Variants in CSMD3 observed in about 807,000 individuals in gnomAD.
CSMD3 encodes the protein CUB and Sushi multiple domains 3, also known as CUB and sushi domain-containing protein 3.
A neutral mutation model predicts 435.2 loss-of-function variants in CSMD3; 177 were observed. The ratio of observed to expected loss-of-function variants is 0.41; its 90% CI spans 0.36 to 0.46. The LOEUF (loss-of-function observed/expected upper bound fraction) is 0.46. CSMD3 is among the 20% of genes least tolerant of loss of function. The probability of loss-of-function intolerance (pLI) is 0.34; values close to 1 mark genes in which losing one functional copy is unlikely to be tolerated. For missense variants in CSMD3, 4,265 were observed against 4,504.6 expected, an observed-to-expected ratio of 0.95 and a Z score of 1.52; for synonymous variants, 1,656 against 1,520.5, an observed-to-expected ratio of 1.09 and a Z score of -2.07.
In CSMD3 at chr8:112,965,326, T is replaced by G. The variant is rs181500683; in HGVS notation, c.1342+10511A>C. On this transcript the variant is annotated intron_variant, in intron 7 of 70. Transcript: ENST00000297405. ...CATCTCTGATCTTTAAAGTTAAGCT[T>G]TCTCTTTTGATCAATTCAGTACATA... is the stretch of plus-strand genomic sequence containing the variant. Among the ~76,000 whole-genome samples the G allele has an allele frequency of 1.8e-3, 278 of 152,088 alleles. 7 individuals carry two copies. The highest frequency in any genetic ancestry group is 0.014 in the Admixed American group (212 of 15,226).
chr8:112,505,941 C>G (rs1390778249), intron 29 of CSMD3, among the ~76,000 whole-genome samples: 1 of 152,044 alleles, frequency 6.6e-6, no homozygotes, highest in Non-Finnish European at 1.5e-5. Context: ...AAGTTATCAA[C>G]TAGAATAATT....
chr8:112,595,056 C>G (rs1376266943), intron 22 of CSMD3, among the ~76,000 whole-genome samples: 1 of 151,806 alleles, frequency 6.6e-6, no homozygotes, highest in Non-Finnish European at 1.5e-5. Flanking sequence ...TTCAGATGAT[C>G]AAATTACTCT....
chr8:113,025,800 T>C (rs1309079452), intron 5 of CSMD3, among the ~76,000 whole-genome samples: 1 of 152,136 alleles, frequency 6.6e-6, no homozygotes, highest in Non-Finnish European at 1.5e-5. Flanking sequence ...CCACTCTGTA[T>C]AACTGCCTGT....
In CSMD3 at chr8:112,890,027, T is replaced by C. The variant is rs539200027; in HGVS notation, c.1634-30761A>G. Among the ~76,000 whole-genome samples the C allele has an allele frequency of 4.0e-5, 6 of 151,780 alleles. 1 individual carries two copies. The South Asian group carries it at 8.3e-4, about 21-fold the overall frequency. On this transcript the variant is annotated intron_variant, in intron 10 of 70. Transcript: ENST00000297405. ...TTATGTGTAATATATGTGAAATGAA[T>C]ATAGTTTTAAGAAAACACAGAAAAA...
At chr8:112,796,114 T>C (rs78990150) in intron 13 of CSMD3, among the ~76,000 whole-genome samples, 1,821 of 152,248 alleles carry the variant, frequency 0.012, 34 homozygotes, top group African/African-American at 0.04. Flanking sequence ...TCTTTTGGTG[T>C]TCTCCTGCTC....
intron 61 of CSMD3, 42 bp downstream of exon 61, chr8:112,263,597 T>C: frequency 6.3e-7 from 1 of 1,580,126 alleles, no homozygotes; most frequent in Non-Finnish European, 8.7e-7. Context: ...TAGAAAAATT[T>C]GAAAATTTTA....
chr8:113,341,181 A>G (rs1237753197), intron 1 of CSMD3, among the ~76,000 whole-genome samples: 1 of 152,146 alleles, frequency 6.6e-6, no homozygotes, highest in Non-Finnish European at 1.5e-5. Context: ...ATGTACATGT[A>G]TGTATATATG....
intron 1 of CSMD3, among the ~76,000 whole-genome samples, chr8:113,334,563 A>G (rs2094056060): frequency 6.6e-6 from 1 of 151,968 alleles, no homozygotes; most frequent in Non-Finnish European, 1.5e-5. Context: ...TATGGTTTTG[A>G]TATCAGGACA....
chr8:113,357,128 G>A (rs1273498197), intron 1 of CSMD3, among the ~76,000 whole-genome samples: 1 of 152,078 alleles, frequency 6.6e-6, no homozygotes, highest in African/African-American at 2.4e-5. Flanking sequence ...AAACCATCTT[G>A]TTTGCACAGA....
chr8:113,010,888 T>C (rs545338980), intron 6 of CSMD3, among the ~76,000 whole-genome samples: 30 of 151,598 alleles, frequency 2.0e-4, no homozygotes, highest in African/African-American at 6.3e-4. Context: ...TAGAAAAAAA[T>C]TGTATAAGGG....
chr8:112,937,573 A>T (rs1255844955), intron 9 of CSMD3, among the ~76,000 whole-genome samples: 2 of 150,788 alleles, frequency 1.3e-5, no homozygotes, highest in Admixed American at 6.6e-5. Context: ...CTGGTCTTGA[A>T]CTCCTGACCT....
At position 112,318,982 on chromosome 8, in the gene CSMD3, A is replaced by G. The variant is rs117959936; in HGVS notation, c.7247-32T>C. 8.7e-3 allele frequency: 10,373 copies of G among 1,186,986 alleles called. 59 individuals are homozygous for G. Among genetic ancestry groups the G allele is most frequent in the Non-Finnish European group, 0.011 (9,053 of 794,050 alleles). The allele number at this position is 1,186,986 out of a possible 1,614,324, so 73.5% of individuals were successfully genotyped here. Reference sequence around the variant, plus strand: ...AACAAAAGAGGGGAGGTTTCATATAAGCAACAAGGTGATGATAAAAATAAA... The same window carrying G: ...AACAAAAGAGGGGAGGTTTCATATAGGCAACAAGGTGATGATAAAAATAAA... On this transcript the variant is annotated intron_variant, in intron 46 of 70. Transcript: ENST00000297405.
intron 5 of CSMD3, among the ~76,000 whole-genome samples, chr8:113,061,336 A>C (rs2088603510): frequency 6.6e-6 from 1 of 152,128 alleles, no homozygotes. Flanking sequence ...CTAGGGTTTC[A>C]GAGGAATTAT....
At chr8:112,761,053 T>C (rs970608260) in intron 13 of CSMD3, among the ~76,000 whole-genome samples, 22 of 152,292 alleles carry the variant, frequency 1.4e-4, no homozygotes, top group African/African-American at 4.8e-4. Context: ...AGTTCACTTA[T>C]ATCCCTTTTC....
chr8:113,304,903 T>A, intron 2 of CSMD3, among the ~76,000 whole-genome samples: 2 of 90,556 alleles, frequency 2.2e-5, no homozygotes, highest in African/African-American at 4.4e-5. Flanking sequence ...ACCCTAAAAC[T>A]TAAAGTATAA....
intron 1 of CSMD3, among the ~76,000 whole-genome samples, chr8:113,424,780 G>A (rs2094626568): frequency 6.6e-6 from 1 of 151,414 alleles, no homozygotes; most frequent in South Asian, 2.1e-4. Context: ...AGGTTAAATT[G>A]CAAAAATGAT....
chr8:113,430,518 G>C (rs1305427124), intron 1 of CSMD3, among the ~76,000 whole-genome samples: 7 of 152,078 alleles, frequency 4.6e-5, no homozygotes, highest in Non-Finnish European at 8.8e-5. Flanking sequence ...TCAAATTTTA[G>C]AGTGCAATCT....
intron 13 of CSMD3, among the ~76,000 whole-genome samples, chr8:112,736,859 T>C (rs2077196199): frequency 6.6e-6 from 1 of 151,978 alleles, no homozygotes; most frequent in Non-Finnish European, 1.5e-5. Flanking sequence ...AATCTCTGGA[T>C]CTATATCAGC....
At chr8:112,954,643 C>T (rs2083944682) in intron 8 of CSMD3, 41 bp downstream of exon 8, 2 of 1,273,908 alleles carry the variant, frequency 1.6e-6, no homozygotes, top group Non-Finnish European at 2.3e-6. Flanking sequence ...ACAAACTTCA[C>T]TCTTGCACTA....
Sources: allele counts gnomAD v4.1 joint callset (sites outside exome capture counted in the v4.1 genomes callset), GRCh38; gene constraint gnomAD v4.1.1; transcripts MANE v1.5; gene names NCBI Gene and HGNC (gene_info 2026-07-23, HGNC 2026-07-21).